The following SOX6 variants were observed in gnomAD, a reference collection of about 807,000 sequenced individuals.
SOX6 encodes the protein SRY-box transcription factor 6.
A neutral mutation model predicts 97.8 loss-of-function variants in SOX6; 11 were observed. That is an observed-to-expected ratio of 0.11 (90% CI 0.07 to 0.19). SOX6 has a LOEUF of 0.19. Ranked by LOEUF, SOX6 falls within the 10% of genes least tolerant of loss-of-function variation. The pLI, the probability that SOX6 is intolerant of heterozygous loss-of-function variation, is 1.00. For missense variants in SOX6, 810 were observed against 1,039.5 expected (o/e 0.78, Z 3.04); for synonymous variants, 360 against 371.4 (o/e 0.97, Z 0.35).
chr11:16,717,202 G>C (rs10832674), intron 2 of SOX6, among the ~76,000 whole-genome samples: 41,263 of 151,908 alleles, frequency 0.27, 6,296 homozygotes, highest in East Asian at 0.48. Flanking sequence ...TTTCATATTT[G>C]TTAAACTCAT....
At chr11:16,380,988 C>T (rs1210276702) in intron 1 of SOX6, among the ~76,000 whole-genome samples, 1 of 137,518 alleles carries the variant, frequency 7.3e-6, no homozygotes, top group Non-Finnish European at 1.6e-5. Context: ...GTTTTAGATT[C>T]CTTGTCTTTA....
intron 1 of SOX6, among the ~76,000 whole-genome samples, chr11:16,376,378 A>T (rs1403958738): frequency 6.6e-6 from 1 of 152,084 alleles, no homozygotes; most frequent in Non-Finnish European, 1.5e-5. Flanking sequence ...AGAGAGAGGC[A>T]TCCAGAATAA....
Position 15,980,034 on chromosome 11 carries a change from A to G in SOX6, c.2183+6170T>C, listed in dbSNP as rs574876556. ...CTCAGTAAATATCTGTTAAATACATAGGATGAATGAATGAATGAGAAAAAA... is the reference window on the plus strand; with the variant it reads ...CTCAGTAAATATCTGTTAAATACATGGGATGAATGAATGAATGAGAAAAAA... On this transcript the variant is annotated intron_variant, in intron 15 of 15. Coordinates refer to ENST00000683767, the MANE Select transcript of SOX6 (RefSeq NM_001367873.1). Among the ~76,000 whole-genome samples, 13 of 152,272 alleles carry G rather than the reference A, an allele frequency of 8.5e-5. No individual in the cohort carries two copies. The South Asian group carries it at 1.4e-3, about 17-fold the overall frequency.
intron 6 of SOX6, among the ~76,000 whole-genome samples, chr11:16,119,808 C>T (rs10500825): frequency 0.081 from 12,356 of 152,164 alleles, 1,049 homozygotes; most frequent in East Asian, 0.37. Context: ...TAATCTTGTT[C>T]TCTCTTCATT....
intron 3 of SOX6, among the ~76,000 whole-genome samples, chr11:16,626,975 T>C (rs1014653498): frequency 6.6e-6 from 1 of 152,168 alleles, no homozygotes; most frequent in African/African-American, 2.4e-5. Context: ...CCCACCTCCC[T>C]CCCGTCTCAC....
chr11:16,079,719 A>T (rs776368126), intron 9 of SOX6, among the ~76,000 whole-genome samples: 3 of 152,152 alleles, frequency 2.0e-5, no homozygotes, highest in Non-Finnish European at 4.4e-5. Flanking sequence ...TTTAAATTAA[A>T]AAAAATGTTT....
intron 3 of SOX6, chr11:16,312,779 G>C (rs1170931361): frequency 6.6e-6 from 1 of 152,110 alleles, no homozygotes; most frequent in African/African-American, 2.4e-5. Flanking sequence ...GCTTATGTTA[G>C]AGCCCAGCTA....
intron 3 of SOX6, among the ~76,000 whole-genome samples, chr11:16,615,101 C>G (rs1017972895): frequency 4.6e-5 from 7 of 152,210 alleles, no homozygotes; most frequent in African/African-American, 1.7e-4. Flanking sequence ...CATTGGATAG[C>G]TCTTCCATTT....
chr11:16,515,795 T>G (rs1270731595), intron 4 of SOX6, among the ~76,000 whole-genome samples: 1 of 123,004 alleles, frequency 8.1e-6, no homozygotes, highest in Non-Finnish European at 1.7e-5. Context: ...CACCATTTAT[T>G]AAATAGGGAA....
chr11:16,725,570 T>C (rs1227230672), intron 2 of SOX6, among the ~76,000 whole-genome samples: 1 of 152,112 alleles, frequency 6.6e-6, no homozygotes, highest in Non-Finnish European at 1.5e-5. Context: ...TGATTCCATT[T>C]ATATGAAATG....
chr11:16,727,024 G>A (rs1848311277), intron 2 of SOX6, among the ~76,000 whole-genome samples: 1 of 151,944 alleles, frequency 6.6e-6, no homozygotes, highest in Non-Finnish European at 1.5e-5. Flanking sequence ...ACTTACTTGT[G>A]TATTAACTTA....
At chr11:16,479,914 T>C (rs1860313960), upstream of SOX6, among the ~76,000 whole-genome samples, 1 of 152,112 alleles carries the variant, frequency 6.6e-6, no homozygotes, top group Non-Finnish European at 1.5e-5. Context: ...AATATGTATG[T>C]TCACTACAGT....
intron 14 of SOX6, 40 bp downstream of exon 14, chr11:15,988,957 C>T: frequency 6.4e-7 from 1 of 1,571,280 alleles, no homozygotes; most frequent in Non-Finnish European, 8.8e-7. Flanking sequence ...ATGGGATTTG[C>T]AGGGGAGAAG....
intron 3 of SOX6, among the ~76,000 whole-genome samples, chr11:16,267,308 A>G (rs1854109491): frequency 1.3e-5 from 2 of 151,680 alleles, no homozygotes; most frequent in South Asian, 4.1e-4. Flanking sequence ...TAAGGGATTA[A>G]CGTCCAAAAT....
At chr11:16,727,290 C>CTTTTTTTTTT (rs557437543) in intron 2 of SOX6, among the ~76,000 whole-genome samples, 2 of 92,978 alleles carry the variant, frequency 2.2e-5, no homozygotes, top group South Asian at 3.5e-4. Flanking sequence ...ATTCACCTTG[C>CTTTTTTTTTT]TTTTTTTTTT....
chr11:16,255,379 GA>G (rs1590067859), intron 3 of SOX6, among the ~76,000 whole-genome samples: 1 of 151,944 alleles, frequency 6.6e-6, no homozygotes, highest in East Asian at 1.9e-4. Flanking sequence ...ACAACAAGTT[GA>G]AAACAATTGA....
chr11:16,176,592 C>A (rs925894976), intron 6 of SOX6, among the ~76,000 whole-genome samples: 1 of 151,858 alleles, frequency 6.6e-6, no homozygotes, highest in African/African-American at 2.4e-5. Flanking sequence ...CAAAAAGATT[C>A]CAATTATATT....
Position 16,566,901 on chromosome 11 carries a change from T to C in SOX6, n.609+45180A>G, listed in dbSNP as rs1265498784. Among the ~76,000 whole-genome samples, 3 of 152,162 alleles carry C rather than the reference T, an allele frequency of 2.0e-5. No individual in the cohort carries two copies. The East Asian group carries it at 5.8e-4, about 29-fold the overall frequency. ...ATGTTCATAGGAGCACTATTCACAA[T>C]AGCCAAAAAGTGGAAACAACCTAAA... On this transcript the variant is annotated intron_variant and non_coding_transcript_variant, in intron 4 of 5. Transcript: ENST00000524520.
intron 3 of SOX6, among the ~76,000 whole-genome samples, chr11:16,238,901 G>A (rs1246150304): frequency 6.6e-6 from 1 of 152,040 alleles, no homozygotes; most frequent in Non-Finnish European, 1.5e-5. Flanking sequence ...AAATAGTAAA[G>A]CAATTCCTTT....
Sources: gnomAD v4.1 joint callset for allele counts (sites outside exome capture counted in the v4.1 genomes callset) on GRCh38, gnomAD v4.1.1 for gene constraint, MANE v1.5 for transcripts, NCBI Gene and HGNC (gene_info 2026-07-23, HGNC 2026-07-21) for gene names.